SUGCT: variants seen among roughly 807,000 people sequenced by gnomAD.
SUGCT encodes succinyl-CoA:glutarate CoA-transferase.
A neutral mutation model predicts 55.0 loss-of-function variants in SUGCT; 41 were observed. The ratio of observed to expected loss-of-function variants is 0.74; its 90% CI spans 0.58 to 0.97. The LOEUF (loss-of-function observed/expected upper bound fraction) is 0.97, where lower values mean the gene tolerates loss of function less well. SUGCT is among the 50% of genes least tolerant of loss of function. SUGCT has a pLI of 0.00. For missense variants in SUGCT, 568 were observed against 547.8 expected (o/e 1.04, Z -0.37); for synonymous variants, 187 against 200.4 (o/e 0.93, Z 0.56).
chr7:40,449,705 C>T (rs961600895), intron 10 of SUGCT, among the ~76,000 whole-genome samples: 8 of 151,688 alleles, frequency 5.3e-5, no homozygotes, highest in South Asian at 2.1e-4. Flanking sequence ...TTCTTCCTTT[C>T]GTTCTCTCCC....
the SUGCT span, among the ~76,000 whole-genome samples, chr7:40,991,718 G>C: frequency 6.6e-6 from 1 of 152,116 alleles, no homozygotes; most frequent in African/African-American, 2.4e-5. Context: ...CCCCCATATT[G>C]GTTTAAGTGT....
At chr7:40,748,683 TAA>T (rs1386393666) in intron 12 of SUGCT, among the ~76,000 whole-genome samples, 7 of 152,052 alleles carry the variant, frequency 4.6e-5, no homozygotes, top group Non-Finnish European at 4.4e-5. Context: ...TATTATTTTT[TAA>T]ATTTCCTGCC....
At chr7:40,303,491 C>CT (rs897786027) in intron 8 of SUGCT, among the ~76,000 whole-genome samples, 40 of 147,252 alleles carry the variant, frequency 2.7e-4, no homozygotes, top group East Asian at 6.1e-4. Flanking sequence ...CATTTCTTCT[C>CT]TTTTTTTTTT....
At position 40,195,018 on chromosome 7, in the gene SUGCT, A is replaced by C; in HGVS notation, c.442A>C (p.Ile148Leu). 1.2e-6 allele frequency: 2 copies of C among 1,613,918 alleles called. No homozygotes were observed. Among genetic ancestry groups the C allele is most frequent in the Non-Finnish European group, 1.7e-6 (2 of 1,179,836 alleles). ...TGCAATGGGCCTGGGATATGAAGAT[A>C]TAGACGAGATTGCTCCTCACATCAT... ...LSAMGLGYEDIDEIAPHIIYC... is the reference protein window; with the variant it reads ...LSAMGLGYEDLDEIAPHIIYC... Residue 148 changes from isoleucine (I) to leucine (L), a missense_variant, in exon 6 of 14, where the codon ATA (isoleucine) becomes CTA (leucine). Ile to Leu is a conservative substitution (Grantham distance 5, BLOSUM62 2). Transcript: ENST00000335693.
At chr7:40,812,185 G>T (rs1791454708) in intron 13 of SUGCT, among the ~76,000 whole-genome samples, 1 of 151,644 alleles carries the variant, frequency 6.6e-6, no homozygotes, top group Admixed American at 6.6e-5. Flanking sequence ...TGATTGGCCT[G>T]TGGTTTCATT....
intron 1 of SUGCT, chr7:40,153,447 G>A: frequency 5.4e-6 from 2 of 367,632 alleles, no homozygotes; most frequent in Non-Finnish European, 1.1e-5. Context: ...CCATGATAAT[G>A]AAATCACTGT....
intron 6 of SUGCT, among the ~76,000 whole-genome samples, chr7:40,219,952 G>GT (rs1353187621): frequency 6.6e-6 from 1 of 152,086 alleles, no homozygotes; most frequent in African/African-American, 2.4e-5. Flanking sequence ...TTGCTGGCTG[G>GT]TGTTTTTTAG....
chr7:40,179,572 C>T (rs1045720252), intron 1 of SUGCT, among the ~76,000 whole-genome samples: 7 of 152,338 alleles, frequency 4.6e-5, no homozygotes, highest in Admixed American at 4.6e-4. Context: ...CGTGAGCCAC[C>T]ATGCCCGGCC....
Position 40,200,540 on chromosome 7 carries a change from G to C in SUGCT, c.484+5480G>C, listed in dbSNP as rs149139257. 1.3e-3 allele frequency among the ~76,000 whole-genome samples: 205 copies of C among 152,118 alleles called. 1 individual carries two copies. Among genetic ancestry groups the C allele is most frequent in the African/African-American group, 4.6e-3 (191 of 41,482 alleles). On this transcript the variant is annotated intron_variant, in intron 6 of 13. Coordinates refer to ENST00000335693, the MANE Select transcript of SUGCT (RefSeq NM_001193313.2). ...GGCAGAGAGAATACCATGTGCAAAG[G>C]CTCCGTGGTAGGAAAGATCTAGACG...
intron 9 of SUGCT, among the ~76,000 whole-genome samples, chr7:40,319,069 A>G (rs774960361): frequency 2.6e-5 from 4 of 152,086 alleles, no homozygotes; most frequent in Admixed American, 6.5e-5. Context: ...CTGTGTGTGT[A>G]TCTGTGTCTG....
At chr7:40,600,408 CTGAT>C (rs1169078844) in intron 12 of SUGCT, among the ~76,000 whole-genome samples, 1 of 152,218 alleles carries the variant, frequency 6.6e-6, no homozygotes, top group Non-Finnish European at 1.5e-5. Flanking sequence ...CCAGGGCTGA[CTGAT>C]AACACATGGT....
At chr7:40,857,521 C>A (rs1794245409) in intron 13 of SUGCT, among the ~76,000 whole-genome samples, 1 of 152,174 alleles carries the variant, frequency 6.6e-6, no homozygotes, top group Non-Finnish European at 1.5e-5. Context: ...TCATTCTAAA[C>A]TGGTAGCATA....
intron 12 of SUGCT, among the ~76,000 whole-genome samples, chr7:40,602,699 C>T (rs1424963123): frequency 6.6e-6 from 1 of 152,150 alleles, no homozygotes; most frequent in African/African-American, 2.4e-5. Context: ...AGTAGGAAGT[C>T]ATAGTGTCCT....
chr7:40,143,887 A>G (rs1788114133), intron 1 of SUGCT, among the ~76,000 whole-genome samples: 2 of 152,184 alleles, frequency 1.3e-5, no homozygotes, highest in African/African-American at 4.8e-5. Flanking sequence ...GAAAAGGGGA[A>G]GAAGTTTGAG....
At chr7:40,799,869 G>C (rs1316810439) in intron 13 of SUGCT, among the ~76,000 whole-genome samples, 11 of 152,298 alleles carry the variant, frequency 7.2e-5, no homozygotes, top group African/African-American at 2.6e-4. Flanking sequence ...AAAGTCATTA[G>C]TATAGCAAAC....
Position 40,241,824 on chromosome 7 carries a change from G to A in SUGCT, c.576+4098G>A, listed in dbSNP as rs377423775. Among the ~76,000 whole-genome samples the A allele has an allele frequency of 4.4e-4, 66 of 150,856 alleles. No individual in the cohort carries two copies. The East Asian group carries it at 0.012, about 27-fold the overall frequency. On this transcript the variant is annotated intron_variant, in intron 7 of 13. Coordinates refer to ENST00000335693, the MANE Select transcript of SUGCT (RefSeq NM_001193313.2). ...AGTCCCAGCTACTTGGGAGGCTGAG[G>A]CAGGAGAATCGCTTGAACCCAGGAT...
intron 12 of SUGCT, among the ~76,000 whole-genome samples, chr7:40,500,714 G>A (rs977212627): frequency 1.3e-5 from 2 of 152,036 alleles, no homozygotes; most frequent in Non-Finnish European, 2.9e-5. Context: ...CTCTAGACTA[G>A]CTCATATTAT....
intron 8 of SUGCT, among the ~76,000 whole-genome samples, chr7:40,295,308 G>C (rs2151063765): frequency 6.6e-6 from 1 of 152,316 alleles, no homozygotes; most frequent in East Asian, 1.9e-4. Context: ...AGGTGTGGTG[G>C]CTCACGCCTG....
chr7:40,319,077 C>A (rs989349517), intron 9 of SUGCT, among the ~76,000 whole-genome samples: 1 of 152,006 alleles, frequency 6.6e-6, no homozygotes, highest in Non-Finnish European at 1.5e-5. Context: ...GTATCTGTGT[C>A]TGTGTTTGTC....
Sources: gnomAD v4.1 joint callset for allele counts (sites outside exome capture counted in the v4.1 genomes callset) on GRCh38, gnomAD v4.1.1 for gene constraint, MANE v1.5 for transcripts, NCBI Gene and HGNC (gene_info 2026-07-23, HGNC 2026-07-21) for gene names.